The following ARL6IP6 variants were observed in gnomAD, a reference collection of about 807,000 sequenced individuals.
ARL6IP6 encodes ARF like GTPase 6 interacting protein 6.
Under a neutral mutation model 21.5 loss-of-function variants are expected in ARL6IP6, and 22 were observed. The observed-to-expected ratio is 1.02, with a 90% CI of 0.73 to 1.46. ARL6IP6 has a LOEUF of 1.46. ARL6IP6 is among the 40% of genes most tolerant of loss of function. The pLI, the probability that ARL6IP6 is intolerant of heterozygous loss-of-function variation, is 0.00. For missense variants in ARL6IP6, 388 were observed against 299.8 expected, an observed-to-expected ratio of 1.29 and a Z score of -2.17; for synonymous variants, 164 against 125.3, an observed-to-expected ratio of 1.31 and a Z score of -2.06.
At chr2:152,730,991 C>T (rs1700283008) in intron 2 of ARL6IP6, among the ~76,000 whole-genome samples, 1 of 152,186 alleles carries the variant, frequency 6.6e-6, no homozygotes, top group Non-Finnish European at 1.5e-5. Flanking sequence ...ATCTTTCTCA[C>T]TTGTCGATAA....
At chr2:152,745,168 A>G (rs938681118) in intron 3 of ARL6IP6, among the ~76,000 whole-genome samples, 5 of 152,172 alleles carry the variant, frequency 3.3e-5, no homozygotes, top group Non-Finnish European at 5.9e-5. Context: ...TCTATTCAAC[A>G]TTAGTTTGGG....
chr2:152,754,734 TTTC>T (rs1272629343), intron 3 of ARL6IP6, among the ~76,000 whole-genome samples: 1 of 152,210 alleles, frequency 6.6e-6, no homozygotes, highest in East Asian at 1.9e-4. Flanking sequence ...TTGTTTTCTT[TTTC>T]TTTTTTTAAA....
chr2:152,761,565 T>C lies in ARL6IP6; in HGVS notation c.*1725T>C, dbSNP rs962256040. Among the ~76,000 whole-genome samples the C allele has an allele frequency of 2.6e-5, 4 of 152,230 alleles. No individual in the cohort carries two copies. Among genetic ancestry groups the C allele is most frequent in the African/African-American group, 9.6e-5 (4 of 41,466 alleles). On this transcript the variant is annotated 3_prime_UTR_variant, in exon 4 of 4. Coordinates refer to ENST00000326446, the MANE Select transcript of ARL6IP6 (RefSeq NM_152522.7). ...GAGATATGTACACCCTAGACAGTCA[T>C]GTGCCATATAACAACGTTTTGGTCA... is the stretch of plus-strand genomic sequence containing the variant.
upstream of ARL6IP6, chr2:152,718,077 A>T: frequency 3.0e-6 from 3 of 993,426 alleles, no homozygotes; most frequent in Non-Finnish European, 3.6e-6. Flanking sequence ...ACCACACTAA[A>T]GGGAGATGGG....
intron 2 of ARL6IP6, among the ~76,000 whole-genome samples, chr2:152,724,477 T>G (rs1056537554): frequency 1.3e-5 from 2 of 152,200 alleles, no homozygotes; most frequent in African/African-American, 4.8e-5. Context: ...CTAGGTAGTA[T>G]AGCAAGGCAG....
At chr2:152,720,976 C>G (rs1699762703) in intron 2 of ARL6IP6, among the ~76,000 whole-genome samples, 2 of 152,118 alleles carry the variant, frequency 1.3e-5, no homozygotes, top group Admixed American at 1.3e-4. Flanking sequence ...TGTTTGTAGT[C>G]CCAGCTACTT....
chr2:152,718,907 G>A lies in ARL6IP6; in HGVS notation c.283G>A (p.Ala95Thr). 4 of 1,613,894 alleles carry A rather than the reference G, an allele frequency of 2.5e-6. No individual in the cohort carries two copies. Among genetic ancestry groups the A allele is most frequent in the Non-Finnish European group, 3.4e-6 (4 of 1,179,898 alleles). The change falls in exon 1 of 4, where the codon GCG becomes ACG. Residue 95 changes from alanine (A) to threonine (T), a missense_variant. Ala to Thr is a moderately conservative substitution (Grantham distance 58, BLOSUM62 0). Coordinates refer to ENST00000326446, the MANE Select transcript of ARL6IP6 (RefSeq NM_152522.7). ...DKRNGIFPAA[A>T]GSRAQPRRWP... The stretch of plus-strand genomic sequence containing the variant: ...GCGCAATGGTATCTTTCCCGCGGCC[G>A]CGGGCAGCAGAGCCCAGCCTCGGCG...
Position 152,760,865 on chromosome 2 carries a change from A to T in ARL6IP6, c.*1025A>T, listed in dbSNP as rs1465904773. Reference sequence around the variant, plus strand: ...TGATACTAGATATTAAAAACTACATATAGTTAATATAATTTTATAATTTTT... The same window carrying T: ...TGATACTAGATATTAAAAACTACATTTAGTTAATATAATTTTATAATTTTT... On this transcript the variant is annotated 3_prime_UTR_variant, in exon 4 of 4. Coordinates refer to ENST00000326446, the MANE Select transcript of ARL6IP6 (RefSeq NM_152522.7). 1 of 152,060 alleles carries T rather than the reference A, an allele frequency of 6.6e-6. No homozygotes were observed. The highest frequency in any genetic ancestry group is 1.5e-5 in the Non-Finnish European group (1 of 67,990). 9.4% of individuals were successfully genotyped at this position (152,060 alleles called of 1,614,324 possible).
chr2:152,719,985 T>C (rs1238015722), intron 1 of ARL6IP6: 1 of 220,172 alleles, frequency 4.5e-6, no homozygotes, highest in Admixed American at 5.4e-5. Flanking sequence ...TTGATGTGGG[T>C]TTTACCTCTT....
intron 3 of ARL6IP6, among the ~76,000 whole-genome samples, chr2:152,745,982 A>G (rs1701024892): frequency 7.1e-6 from 1 of 139,982 alleles, no homozygotes; most frequent in Non-Finnish European, 1.5e-5. Context: ...GATACAGCTA[A>G]TGAGTGCTTG....
intron 3 of ARL6IP6, among the ~76,000 whole-genome samples, chr2:152,742,548 T>C (rs1700861387): frequency 1.5e-5 from 2 of 134,826 alleles, no homozygotes; most frequent in African/African-American, 5.7e-5. Flanking sequence ...CCAGCCTCAG[T>C]GACAGAGCAA....
chr2:152,725,889 G>A (rs949927870), intron 2 of ARL6IP6, among the ~76,000 whole-genome samples: 1 of 152,056 alleles, frequency 6.6e-6, no homozygotes, highest in African/African-American at 2.4e-5. Flanking sequence ...TTTTCCTGCT[G>A]TCTTTTTGCT....
intron 2 of ARL6IP6, among the ~76,000 whole-genome samples, 184 bp from the exon 3 acceptor site, chr2:152,734,810 G>A (rs1228270512): frequency 2.0e-5 from 3 of 152,100 alleles, no homozygotes; most frequent in Non-Finnish European, 4.4e-5. Flanking sequence ...TTCTAGTTGT[G>A]CTTTAGTAAT....
intron 3 of ARL6IP6, among the ~76,000 whole-genome samples, chr2:152,737,062 A>G (rs1700586631): frequency 6.6e-6 from 1 of 152,178 alleles, no homozygotes; most frequent in Non-Finnish European, 1.5e-5. Flanking sequence ...TGTTGCCTTC[A>G]GAATAAAGTC....
intron 2 of ARL6IP6, chr2:152,732,581 G>T (rs561555205): frequency 4.5e-6 from 2 of 449,000 alleles, no homozygotes; most frequent in Admixed American, 5.2e-5. Context: ...AGTTGCAAAG[G>T]TATGTTTTAT....
chr2:152,742,580 A>AAAAAAAAAAAAAAAAAAT, intron 3 of ARL6IP6, among the ~76,000 whole-genome samples: 1 of 151,524 alleles, frequency 6.6e-6, no homozygotes, highest in Non-Finnish European at 1.5e-5. Flanking sequence ...TAAAAAAAAA[A>AAAAAAAAAAAAAAAAAAT]AAAAAAAAAA....
intron 3 of ARL6IP6, among the ~76,000 whole-genome samples, chr2:152,743,315 T>C (rs1700902796): frequency 6.6e-6 from 1 of 152,162 alleles, no homozygotes; most frequent in African/African-American, 2.4e-5. Flanking sequence ...GTAATAAGCT[T>C]AGTGGAAAAA....
chr2:152,731,045 C>T (rs1559228556), intron 2 of ARL6IP6, among the ~76,000 whole-genome samples: 2 of 152,222 alleles, frequency 1.3e-5, no homozygotes, highest in Non-Finnish European at 2.9e-5. Context: ...TTTATCTGTA[C>T]TCCAATCAAC....
At chr2:152,718,297 G>C (rs1050196713), upstream of ARL6IP6, 3 of 284,884 alleles carry the variant, frequency 1.1e-5, no homozygotes, top group Non-Finnish European at 1.2e-5. Flanking sequence ...TGGTGACGCG[G>C]GGGTGGCGGA....
Sources: allele counts gnomAD v4.1 joint callset (sites outside exome capture counted in the v4.1 genomes callset), GRCh38; gene constraint gnomAD v4.1.1; transcripts MANE v1.5; gene names NCBI Gene and HGNC (gene_info 2026-07-23, HGNC 2026-07-21).